The following EPHB1 variants were observed in gnomAD, a reference collection of about 807,000 sequenced individuals.
The protein encoded by EPHB1 is EPH receptor B1.
A neutral mutation model predicts 94.4 loss-of-function variants in EPHB1; 30 were observed. That is an observed-to-expected ratio of 0.32 (90% CI 0.24 to 0.43). EPHB1 has a LOEUF of 0.43. EPHB1 is among the 20% of genes least tolerant of loss of function. The pLI, the probability that EPHB1 is intolerant of heterozygous loss-of-function variation, is 1.00. For synonymous variants in EPHB1, 522 were observed against 489.1 expected (o/e 1.07, Z -0.89); for missense variants, 1,055 against 1,308.3 (o/e 0.81, Z 2.99).
intron 1 of EPHB1, among the ~76,000 whole-genome samples, chr3:134,811,229 C>A (rs2036167924): frequency 1.8e-5 from 2 of 109,192 alleles, no homozygotes; most frequent in African/African-American, 5.6e-5. Flanking sequence ...TCATAGTTGC[C>A]CCTACTAAGA....
intron 3 of EPHB1, among the ~76,000 whole-genome samples, chr3:134,982,485 G>A (rs1401988702): frequency 6.6e-6 from 1 of 152,128 alleles, no homozygotes; most frequent in Non-Finnish European, 1.5e-5. Context: ...GTATCCTGAG[G>A]AAAGGTGTTC....
chr3:135,001,451 G>T (rs779396554), intron 3 of EPHB1, among the ~76,000 whole-genome samples: 6 of 152,164 alleles, frequency 3.9e-5, no homozygotes, highest in African/African-American at 9.7e-5. Context: ...ACTCCCACCT[G>T]CTGCTGGACC....
intron 4 of EPHB1, among the ~76,000 whole-genome samples, chr3:135,116,075 A>C (rs937566423): frequency 4.6e-5 from 7 of 152,084 alleles, no homozygotes; most frequent in African/African-American, 1.4e-4. Flanking sequence ...TTAGCCAGGC[A>C]TGGTGGCACA....
intron 5 of EPHB1, among the ~76,000 whole-genome samples, chr3:135,136,720 G>A (rs1050900659): frequency 2.6e-5 from 4 of 152,156 alleles, no homozygotes; most frequent in Non-Finnish European, 4.4e-5. Context: ...TGTGTAAGTC[G>A]TAAGCTCTCT....
chr3:134,879,118 C>T (rs1477230795), intron 1 of EPHB1, among the ~76,000 whole-genome samples: 2 of 152,148 alleles, frequency 1.3e-5, no homozygotes, highest in African/African-American at 4.8e-5. Flanking sequence ...TTCCTGCACC[C>T]AGGAAACCCT....
chr3:135,042,411 A>G (rs1453814785), intron 3 of EPHB1, among the ~76,000 whole-genome samples: 1 of 152,202 alleles, frequency 6.6e-6, no homozygotes, highest in Admixed American at 6.5e-5. Flanking sequence ...TCTCAAATGG[A>G]TTTTTCACAA....
In EPHB1 at chr3:135,259,513, A is replaced by G. The variant is rs1274954538; in HGVS notation, c.*393A>G. 4.7e-6 allele frequency: 1 copy of G among 212,040 alleles called. No individual in the cohort carries two copies. Among genetic ancestry groups the G allele is most frequent in the South Asian group, 1.8e-4 (1 of 5,452 alleles). The allele number at this position is 212,040 out of a possible 1,614,324, so 13.1% of individuals were successfully genotyped here. ...GCAGTGTTCCATTTTCTTCCTCACCAATGACATTCTTTTCTTTTCTCCTTT... is the reference window on the plus strand; with the variant it reads ...GCAGTGTTCCATTTTCTTCCTCACCGATGACATTCTTTTCTTTTCTCCTTT... On this transcript the variant is annotated 3_prime_UTR_variant, in exon 16 of 16. Coordinates refer to ENST00000398015, the MANE Select transcript of EPHB1 (RefSeq NM_004441.5).
Position 135,099,761 on chromosome 3 carries a change from T to G in EPHB1, c.806-6687T>G, listed in dbSNP as rs560189829. Among the ~76,000 whole-genome samples, 10 of 152,330 alleles carry G rather than the reference T, an allele frequency of 6.6e-5. No individual in the cohort carries two copies. The South Asian group carries it at 2.1e-3, about 32-fold the overall frequency. On this transcript the variant is annotated intron_variant, in intron 3 of 15. Coordinates refer to ENST00000398015, the MANE Select transcript of EPHB1 (RefSeq NM_004441.5). Reference sequence around the variant, plus strand: ...TGTTTGCATGACCCACAGGAATTTCTTGCCCACCAACACCACACCTATCAC... The same window carrying G: ...TGTTTGCATGACCCACAGGAATTTCGTGCCCACCAACACCACACCTATCAC...
chr3:135,254,575 TG>T (rs1933282861), intron 15 of EPHB1, among the ~76,000 whole-genome samples: 1 of 152,222 alleles, frequency 6.6e-6, no homozygotes, highest in South Asian at 2.1e-4. Context: ...CACTTGATCA[TG>T]GTGAATAAGC....
At chr3:135,035,364 T>G (rs1936612309) in intron 3 of EPHB1, among the ~76,000 whole-genome samples, 1 of 152,194 alleles carries the variant, frequency 6.6e-6, no homozygotes, top group African/African-American at 2.4e-5. Context: ...AGTTGAGATT[T>G]TGTTGCCTAC....
At chr3:135,122,677 G>A (rs1439906103) in intron 4 of EPHB1, among the ~76,000 whole-genome samples, 1 of 152,130 alleles carries the variant, frequency 6.6e-6, no homozygotes, top group Non-Finnish European at 1.5e-5. Flanking sequence ...TAGGTAGAGG[G>A]GCTGTCTCTT....
intron 11 of EPHB1, among the ~76,000 whole-genome samples, chr3:135,194,810 T>C (rs1396641052): frequency 6.6e-6 from 1 of 152,218 alleles, no homozygotes; most frequent in Non-Finnish European, 1.5e-5. Context: ...GGTTATGCTT[T>C]GTATTTGGAA....
At chr3:134,998,880 A>T (rs1449674821) in intron 3 of EPHB1, among the ~76,000 whole-genome samples, 1 of 152,210 alleles carries the variant, frequency 6.6e-6, no homozygotes, top group Non-Finnish European at 1.5e-5. Flanking sequence ...AGAAAAAGGG[A>T]TCAAGGATAG....
At chr3:135,029,722 G>A (rs1559801250) in intron 3 of EPHB1, among the ~76,000 whole-genome samples, 2 of 151,188 alleles carry the variant, frequency 1.3e-5, no homozygotes, top group South Asian at 2.1e-4. Flanking sequence ...TCTTCTCGAG[G>A]AGTATCTTTG....
intron 3 of EPHB1, among the ~76,000 whole-genome samples, chr3:134,958,420 G>GTGTA (rs1347097916): frequency 2.8e-5 from 4 of 144,406 alleles, no homozygotes; most frequent in African/African-American, 1.1e-4. Flanking sequence ...GGGAGTGTGT[G>GTGTA]TGTGTGTGTG....
intron 5 of EPHB1, among the ~76,000 whole-genome samples, chr3:135,133,403 G>A (rs1940497817): frequency 6.6e-6 from 1 of 152,196 alleles, no homozygotes; most frequent in African/African-American, 2.4e-5. Context: ...ACAAACAGAG[G>A]ATTGTGTAAA....
intron 12 of EPHB1, among the ~76,000 whole-genome samples, chr3:135,206,761 A>C (rs1355288960): frequency 1.3e-5 from 2 of 152,228 alleles, no homozygotes; most frequent in Non-Finnish European, 2.9e-5. Flanking sequence ...AGGCAGGAGA[A>C]TTGCTTAAAC....
intron 1 of EPHB1, among the ~76,000 whole-genome samples, chr3:134,909,240 C>T (rs1465133606): frequency 6.6e-6 from 1 of 152,144 alleles, no homozygotes; most frequent in East Asian, 1.9e-4. Context: ...GTAGTTGATT[C>T]TGTGGGGGGC....
intron 1 of EPHB1, among the ~76,000 whole-genome samples, chr3:134,906,410 GA>G (rs1328470192): frequency 6.6e-6 from 1 of 152,158 alleles, no homozygotes; most frequent in Non-Finnish European, 1.5e-5. Context: ...AACTTTTGTG[GA>G]CGTTTATAGG....
Sources: allele counts gnomAD v4.1 joint callset (sites outside exome capture counted in the v4.1 genomes callset), GRCh38; gene constraint gnomAD v4.1.1; transcripts MANE v1.5; gene names NCBI Gene and HGNC (gene_info 2026-07-23, HGNC 2026-07-21).